The following ROBO2 variants were observed in gnomAD, a reference collection of about 807,000 sequenced individuals.
The protein encoded by ROBO2 is roundabout guidance receptor 2, also known as roundabout homolog 2.
In ROBO2, 53 loss-of-function variants were observed where a neutral mutation model predicts 160.8. The observed-to-expected ratio is 0.33, with a 90% CI of 0.26 to 0.41. The LOEUF (loss-of-function observed/expected upper bound fraction) is 0.41. Ranked by LOEUF, ROBO2 falls within the 10% of genes least tolerant of loss-of-function variation. The probability of loss-of-function intolerance (pLI) is 1.00; values close to 1 mark genes in which losing one functional copy is unlikely to be tolerated. For synonymous variants in ROBO2, 664 were observed against 611.7 expected (o/e 1.09, Z -1.26); for missense variants, 1,577 against 1,722.4 (o/e 0.92, Z 1.49).
At chr3:76,746,061 C>T (rs2093885345) in intron 2 of ROBO2, among the ~76,000 whole-genome samples, 1 of 147,132 alleles carries the variant, frequency 6.8e-6, no homozygotes, top group Admixed American at 6.9e-5. Context: ...TCAAATCCCA[C>T]CTATGAGTGA....
chr3:76,553,780 ATC>A (rs1362502365), intron 2 of ROBO2, among the ~76,000 whole-genome samples: 8 of 152,286 alleles, frequency 5.3e-5, no homozygotes, highest in South Asian at 2.1e-4. Context: ...GTTACAGTAA[ATC>A]TCTCTGAACT....
chr3:77,187,128 A>C (rs1292171064), intron 2 of ROBO2, among the ~76,000 whole-genome samples: 3 of 152,046 alleles, frequency 2.0e-5, no homozygotes, highest in Admixed American at 6.6e-5. Context: ...CTAAAACAGG[A>C]AAGCAGTATC....
chr3:77,180,274 T>G (rs116122147), intron 2 of ROBO2, among the ~76,000 whole-genome samples: 1,980 of 151,726 alleles, frequency 0.013, 64 homozygotes, highest in African/African-American at 0.045. Flanking sequence ...AATCATTGAA[T>G]CAAGTGTGGA....
intron 2 of ROBO2, among the ~76,000 whole-genome samples, chr3:75,995,081 A>G (rs2065686717): frequency 6.6e-6 from 1 of 152,196 alleles, no homozygotes; most frequent in African/African-American, 2.4e-5. Context: ...GCAGCCTGAC[A>G]ATGTGATAGA....
intron 2 of ROBO2, among the ~76,000 whole-genome samples, chr3:76,301,914 C>T (rs1709378405): frequency 1.3e-5 from 2 of 152,038 alleles, no homozygotes; most frequent in Admixed American, 6.6e-5. Flanking sequence ...ATCCTGTTGA[C>T]ATGATGATGT....
At chr3:77,430,997 C>G (rs1203408776) in intron 2 of ROBO2, among the ~76,000 whole-genome samples, 1 of 152,158 alleles carries the variant, frequency 6.6e-6, no homozygotes, top group Non-Finnish European at 1.5e-5. Context: ...AGTTTATTGT[C>G]ATTAAATTTT....
chr3:76,201,165 A>G (rs1206488480), intron 2 of ROBO2, among the ~76,000 whole-genome samples: 2 of 152,214 alleles, frequency 1.3e-5, no homozygotes, highest in African/African-American at 2.4e-5. Flanking sequence ...TTATGCCACA[A>G]CAGTCTTCTC....
intron 2 of ROBO2, among the ~76,000 whole-genome samples, chr3:76,090,010 T>A (rs2069166180): frequency 6.6e-6 from 1 of 152,192 alleles, no homozygotes; most frequent in Admixed American, 6.5e-5. Context: ...AAAACTCAAT[T>A]GCTTTTCTAC....
intron 2 of ROBO2, among the ~76,000 whole-genome samples, chr3:76,411,112 T>G (rs1475937874): frequency 6.6e-6 from 1 of 152,116 alleles, no homozygotes; most frequent in African/African-American, 2.4e-5. Flanking sequence ...CAAAGTCCAA[T>G]GGCCATGAAC....
At chr3:77,509,751 G>A (rs924060198) in intron 5 of ROBO2, among the ~76,000 whole-genome samples, 3 of 151,994 alleles carry the variant, frequency 2.0e-5, no homozygotes, top group African/African-American at 2.4e-5. Flanking sequence ...CTTCCTGCAC[G>A]TGTACAGCCT....
chr3:76,115,642 A>C (rs145687364), intron 2 of ROBO2, among the ~76,000 whole-genome samples: 1 of 152,192 alleles, frequency 6.6e-6, no homozygotes, highest in Admixed American at 6.6e-5. Context: ...TAATAATAGT[A>C]TATCTAGCAT....
At chr3:77,471,146 G>T (rs1158819172) in intron 2 of ROBO2, among the ~76,000 whole-genome samples, 1 of 152,152 alleles carries the variant, frequency 6.6e-6, no homozygotes, top group Non-Finnish European at 1.5e-5. Context: ...TCTTTCAGAA[G>T]TCCATTAGTT....
rs182708547 is a variant in ROBO2 at position 76,524,418 on chromosome 3, T to C, written c.110-573596T>C. On this transcript the variant is annotated intron_variant, in intron 2 of 26. Coordinates refer to the ROBO2 transcript ENST00000487694. The stretch of plus-strand genomic sequence containing the variant: ...ATTTGATATATGCCCTATGGGTCAC[T>C]TAAATCCAGATATACTGACAAATTA... 3.2e-3 allele frequency among the ~76,000 whole-genome samples: 488 copies of C among 152,056 alleles called. 3 individuals are homozygous for C. Among genetic ancestry groups the C allele is most frequent in the Non-Finnish European group, 5.7e-3 (386 of 67,882 alleles).
chr3:77,262,371 A>G (rs893528099), intron 2 of ROBO2, among the ~76,000 whole-genome samples: 1 of 152,192 alleles, frequency 6.6e-6, no homozygotes, highest in African/African-American at 2.4e-5. Context: ...TTAAGAAAGT[A>G]AGTAGTAAGA....
intron 2 of ROBO2, among the ~76,000 whole-genome samples, chr3:76,420,264 C>G (rs992605101): frequency 1.3e-5 from 2 of 152,148 alleles, no homozygotes; most frequent in African/African-American, 4.8e-5. Flanking sequence ...ATCTTCTCAT[C>G]TCAACCTCCC....
rs569873500 is a variant in ROBO2, at chr3:76,481,760, G to A, written c.109+544158G>A. Among the ~76,000 whole-genome samples, 4 of 152,124 alleles carry A rather than the reference G, an allele frequency of 2.6e-5. No homozygotes were observed. The East Asian group carries it at 5.8e-4, about 22-fold the overall frequency. On this transcript the variant is annotated intron_variant, in intron 2 of 26. Coordinates refer to the ROBO2 transcript ENST00000487694. ...TGGGTTTAGGTTTGAGAACCACTGA[G>A]GAAGAGTAAAAGTTAAGAGCGTCAC...
chr3:77,250,021 G>A (rs2090165819), intron 2 of ROBO2, among the ~76,000 whole-genome samples: 1 of 151,898 alleles, frequency 6.6e-6, no homozygotes, highest in Non-Finnish European at 1.5e-5. Context: ...TAGCATACCA[G>A]TAATGCACAA....
At chr3:76,224,406 G>A (rs773959248) in intron 2 of ROBO2, among the ~76,000 whole-genome samples, 3 of 152,152 alleles carry the variant, frequency 2.0e-5, no homozygotes, top group Admixed American at 2.0e-4. Flanking sequence ...AACTTCAAGG[G>A]TAGGAGGAGA....
intron 2 of ROBO2, among the ~76,000 whole-genome samples, chr3:76,305,044 T>G (rs2071268076): frequency 6.6e-6 from 1 of 152,032 alleles, no homozygotes; most frequent in Non-Finnish European, 1.5e-5. Flanking sequence ...ATATTTTACA[T>G]TGCTGTTGTT....
Sources: gnomAD v4.1 joint callset for allele counts (sites outside exome capture counted in the v4.1 genomes callset) on GRCh38, gnomAD v4.1.1 for gene constraint, MANE v1.5 for transcripts, NCBI Gene and HGNC (gene_info 2026-07-23, HGNC 2026-07-21) for gene names.